ELMO1: variants seen among roughly 807,000 people sequenced by gnomAD.
ELMO1 encodes the protein engulfment and cell motility 1.
A neutral mutation model predicts 98.9 loss-of-function variants in ELMO1; 26 were observed. The observed-to-expected ratio is 0.26, with a 90% CI of 0.19 to 0.36. The LOEUF is 0.36. Among genes scored for constraint, ELMO1 ranks in the 10% least tolerant of loss-of-function variants. The probability of loss-of-function intolerance (pLI) is 1.00; values close to 1 mark genes in which losing one functional copy is unlikely to be tolerated. For synonymous variants in ELMO1, 346 were observed against 346.0 expected, an observed-to-expected ratio of 1.00 and a Z score of 0.00; for missense variants, 627 against 935.2, an observed-to-expected ratio of 0.67 and a Z score of 4.30.
chr7:37,133,062 T>C (rs1460045446), intron 14 of ELMO1, 68 bp downstream of exon 14: 1 of 1,267,088 alleles, frequency 7.9e-7, no homozygotes, highest in African/African-American at 1.5e-5. Flanking sequence ...AATCCCTCCG[T>C]ATTTGTGAGT....
intron 13 of ELMO1, among the ~76,000 whole-genome samples, chr7:37,209,337 T>C (rs1792827470): frequency 6.6e-6 from 1 of 152,212 alleles, no homozygotes; most frequent in African/African-American, 2.4e-5. Flanking sequence ...CTCCATACTG[T>C]GCATTCTGGG....
intron 1 of ELMO1, among the ~76,000 whole-genome samples, chr7:37,406,804 A>C (rs1394864120): frequency 6.6e-6 from 1 of 152,126 alleles, no homozygotes; most frequent in South Asian, 2.1e-4. Flanking sequence ...AGAGGATCTC[A>C]AAGGTCCTTC....
intron 2 of ELMO1, among the ~76,000 whole-genome samples, chr7:37,331,061 G>A (rs1316232082): frequency 9.5e-6 from 1 of 105,738 alleles, no homozygotes; most frequent in Non-Finnish European, 1.9e-5. Flanking sequence ...ACTGAACAGT[G>A]CACAATTTAA....
intron 7 of ELMO1, among the ~76,000 whole-genome samples, chr7:37,242,455 C>G (rs1373605211): frequency 6.6e-6 from 1 of 152,104 alleles, no homozygotes; most frequent in African/African-American, 2.4e-5. Flanking sequence ...TTTTTACTAC[C>G]TACATTTTTT....
At chr7:37,369,815 A>T (rs537497925) in intron 1 of ELMO1, among the ~76,000 whole-genome samples, 1 of 152,168 alleles carries the variant, frequency 6.6e-6, no homozygotes, top group Admixed American at 6.5e-5. Flanking sequence ...GATATCTTCA[A>T]TGGTGGGGCT....
intron 2 of ELMO1, among the ~76,000 whole-genome samples, chr7:37,321,443 C>T (rs376837896): frequency 2.0e-5 from 3 of 151,852 alleles, no homozygotes; most frequent in Non-Finnish European, 2.9e-5. Context: ...GGAGGCCGGG[C>T]GCGGTGGTTC....
At chr7:37,053,165 T>C (rs1796204143) in intron 15 of ELMO1, among the ~76,000 whole-genome samples, 1 of 151,990 alleles carries the variant, frequency 6.6e-6, no homozygotes, top group Admixed American at 6.6e-5. Context: ...TGGCCAAAAA[T>C]CAAAAGACAA....
intron 1 of ELMO1, among the ~76,000 whole-genome samples, chr7:37,433,283 T>C (rs1281697795): frequency 6.6e-6 from 1 of 152,230 alleles, no homozygotes; most frequent in Non-Finnish European, 1.5e-5. Flanking sequence ...GTACTTCTTA[T>C]GGGCTCAGCC....
At chr7:37,184,632 G>T (rs1791088169) in intron 13 of ELMO1, among the ~76,000 whole-genome samples, 1 of 152,172 alleles carries the variant, frequency 6.6e-6, no homozygotes, top group African/African-American at 2.4e-5. Context: ...GTCCGTCATG[G>T]CATGATGGCT....
intron 16 of ELMO1, among the ~76,000 whole-genome samples, chr7:36,911,697 C>T (rs75961340): frequency 0.023 from 3,578 of 152,268 alleles, 138 homozygotes; most frequent in African/African-American, 0.081. Context: ...GCATTGTCTA[C>T]TGCAGAATCT....
chr7:36,917,182 G>T (rs951869756), intron 16 of ELMO1, among the ~76,000 whole-genome samples: 1 of 152,180 alleles, frequency 6.6e-6, no homozygotes, highest in Non-Finnish European at 1.5e-5. Flanking sequence ...AAATCCTGCT[G>T]CTAGGTAGTA....
chr7:37,168,369 T>C (rs750166366), intron 13 of ELMO1, among the ~76,000 whole-genome samples: 7 of 152,242 alleles, frequency 4.6e-5, no homozygotes, highest in Non-Finnish European at 7.3e-5. Context: ...CTTTGTTCCA[T>C]TGCTGGTGAG....
At chr7:37,128,387 TG>T (rs1786673960) in intron 14 of ELMO1, among the ~76,000 whole-genome samples, 1 of 152,190 alleles carries the variant, frequency 6.6e-6, no homozygotes, top group Non-Finnish European at 1.5e-5. Flanking sequence ...TCTGGAAAGC[TG>T]GGGAGTGAAA....
chr7:37,159,066 A>C (rs920252465), intron 13 of ELMO1, among the ~76,000 whole-genome samples: 41 of 152,324 alleles, frequency 2.7e-4, no homozygotes, highest in African/African-American at 9.1e-4. Flanking sequence ...AGAAAACCTA[A>C]CACCACATGT....
At chr7:36,909,307 G>C (rs185576017) in intron 16 of ELMO1, among the ~76,000 whole-genome samples, 6 of 152,284 alleles carry the variant, frequency 3.9e-5, no homozygotes, top group African/African-American at 1.2e-4. Context: ...TTTTACTTCT[G>C]TTATTATTGT....
At chr7:37,350,710 G>C (rs1177392755) in intron 1 of ELMO1, among the ~76,000 whole-genome samples, 1 of 152,180 alleles carries the variant, frequency 6.6e-6, no homozygotes, top group African/African-American at 2.4e-5. Context: ...CTAACCCCCA[G>C]TAGCTCAGAA....
intron 14 of ELMO1, among the ~76,000 whole-genome samples, chr7:37,124,860 G>A (rs1786382841): frequency 6.6e-6 from 1 of 152,154 alleles, no homozygotes; most frequent in Non-Finnish European, 1.5e-5. Flanking sequence ...AAAGCTGGAG[G>A]CATCACACTA....
chr7:37,172,766 G>A (rs1257183261), intron 13 of ELMO1, among the ~76,000 whole-genome samples: 1 of 152,142 alleles, frequency 6.6e-6, no homozygotes, highest in African/African-American at 2.4e-5. Context: ...AAGGAAAATT[G>A]CTATCTTCCT....
intron 1 of ELMO1, among the ~76,000 whole-genome samples, chr7:37,368,579 C>T (rs1437914571): frequency 1.3e-5 from 2 of 152,168 alleles, no homozygotes; most frequent in African/African-American, 2.4e-5. Flanking sequence ...TAAGACCCCA[C>T]TCCCTAGGAA....
Sources: gnomAD v4.1 joint callset for allele counts (sites outside exome capture counted in the v4.1 genomes callset) on GRCh38, gnomAD v4.1.1 for gene constraint, MANE v1.5 for transcripts, NCBI Gene and HGNC (gene_info 2026-07-23, HGNC 2026-07-21) for gene names.